MDN1: variants seen among roughly 807,000 people sequenced by gnomAD.
MDN1 encodes the protein midasin.
Under a neutral mutation model 669.2 loss-of-function variants are expected in MDN1, and 266 were observed. That is an observed-to-expected ratio of 0.40 (90% CI 0.36 to 0.44). MDN1 has a LOEUF of 0.44. Ranked by LOEUF, MDN1 falls within the 20% of genes least tolerant of loss-of-function variation. The probability of loss-of-function intolerance (pLI) is 1.00; values close to 1 mark genes in which losing one functional copy is unlikely to be tolerated. For missense variants in MDN1, 5,940 were observed against 6,754.0 expected, an observed-to-expected ratio of 0.88 and a Z score of 4.22; for synonymous variants, 2,385 against 2,457.1, an observed-to-expected ratio of 0.97 and a Z score of 0.87.
rs374685878 is a variant in MDN1 at position 89,672,539 on chromosome 6, A to G, written c.13630+8T>C. 3.0e-5 allele frequency: 48 copies of G among 1,606,468 alleles called. No homozygotes were observed. Among genetic ancestry groups the G allele is most frequent in the Non-Finnish European group, 3.8e-5 (45 of 1,177,518 alleles). ...ATGAAACTAATTTCTGCCTGATTTC[A>G]GACATACCATAATCTTCTTGTGGGC... On this transcript the variant is annotated splice_region_variant and intron_variant, in intron 81 of 101. Transcript: ENST00000369393.
At chr6:89,781,702 T>G (rs1269118096) in intron 9 of MDN1, 110 bp from the exon 10 acceptor site, 7 of 934,634 alleles carry the variant, frequency 7.5e-6, no homozygotes, top group Non-Finnish European at 1.1e-5. Flanking sequence ...CTCTATGAAA[T>G]TTGTTCACTG....
At chr6:89,724,614 T>C (rs1232373865) in intron 38 of MDN1, among the ~76,000 whole-genome samples, 3 of 152,202 alleles carry the variant, frequency 2.0e-5, no homozygotes, top group Non-Finnish European at 2.9e-5. Context: ...ACTCAGCCAA[T>C]TCTTAATCAT....
intron 62 of MDN1, 68 bp downstream of exon 62, chr6:89,694,006 C>T: frequency 7.8e-7 from 1 of 1,277,228 alleles, no homozygotes; most frequent in Non-Finnish European, 1.1e-6. Context: ...TCTACTCACA[C>T]CATAACTACA....
At position 89,792,577 on chromosome 6, in the gene MDN1, A is replaced by C. The variant is rs189003825; in HGVS notation, c.855+1185T>G. 2.5e-3 allele frequency among the ~76,000 whole-genome samples: 375 copies of C among 152,298 alleles called. 2 individuals carry two copies. The highest frequency in any genetic ancestry group is 4.2e-3 in the Non-Finnish European group (284 of 68,032). On this transcript the variant is annotated intron_variant, in intron 5 of 101. Transcript: ENST00000369393. ...AGAAAAAAACACAAAGAGCTTTGGA[A>C]GTACTGGGTGTTTGGTGTTATTTAT...
Position 89,647,979 on chromosome 6 carries a change from C to T in MDN1, c.16395+53G>A. ...AAAATAAAAATGTTCTCCCTCCAAC[C>T]TACACCAGTTTAAAAATAACTGTGC... On this transcript the variant is annotated intron_variant, in intron 99 of 101. Coordinates refer to ENST00000369393, the MANE Select transcript of MDN1 (RefSeq NM_014611.3). 3 of 1,366,510 alleles carry T rather than the reference C, an allele frequency of 2.2e-6. No homozygotes were observed. In the South Asian group the frequency reaches 3.5e-5, roughly 16 times the overall value. 84.6% of individuals were successfully genotyped at this position (1,366,510 alleles called of 1,614,324 possible).
At chr6:89,817,997 A>G (rs1486310796) in intron 1 of MDN1, among the ~76,000 whole-genome samples, 1 of 152,062 alleles carries the variant, frequency 6.6e-6, no homozygotes, top group African/African-American at 2.4e-5. Context: ...CACTCCCCAG[A>G]ACAATTGGGC....
At position 89,701,593 on chromosome 6, in the gene MDN1, ACTT is replaced by A; in HGVS notation, c.8389_8391del (p.Lys2797del). ...AACGGTCGTCCCAGGAACTTCTGCA[ACTT>A]CTTTATACCAGCGAAGCCACCAGTC... On this transcript the variant is annotated inframe_deletion, in exon 55 of 102. Transcript: ENST00000369393. 6.2e-7 allele frequency: 1 copy of A among 1,614,196 alleles called. No homozygotes were observed. Among genetic ancestry groups the A allele is most frequent in the Non-Finnish European group, 8.5e-7 (1 of 1,180,022 alleles).
At chr6:89,711,018 TA>T (rs1813876219) in intron 49 of MDN1, among the ~76,000 whole-genome samples, 1 of 152,228 alleles carries the variant, frequency 6.6e-6, no homozygotes, top group African/African-American at 2.4e-5. Context: ...GGCTATCATA[TA>T]GGACAATACA....
intron 97 of MDN1, among the ~76,000 whole-genome samples, chr6:89,649,243 A>G (rs574190951): frequency 5.3e-5 from 8 of 152,346 alleles, no homozygotes; most frequent in Non-Finnish European, 8.8e-5. Flanking sequence ...TTTAATCTTC[A>G]TAACAATTCT....
At chr6:89,698,017 ATGACAGAAACAAT>A (rs1300166541) in intron 59 of MDN1, among the ~76,000 whole-genome samples, 3 of 152,208 alleles carry the variant, frequency 2.0e-5, no homozygotes, top group Admixed American at 1.3e-4. Context: ...TTTTAACTAT[ATGACAGAAACAAT>A]TGAAAATGTT....
intron 20 of MDN1, 61 bp downstream of exon 20, chr6:89,756,216 C>T (rs183940002): frequency 4.1e-4 from 306 of 738,434 alleles, no homozygotes; most frequent in South Asian, 6.6e-4. Flanking sequence ...TGTGTGTGCA[C>T]GAGTAGCACA....
At position 89,678,601 on chromosome 6, in the gene MDN1, A is replaced by G. The variant is rs543902010; in HGVS notation, c.12410T>C (p.Ile4137Thr). The part of the protein sequence containing the change: ...LSDLFKHLAK[I>T]GLSYRKGLAW... ...TGGGTTTCAAGTGAGAACCTTACCA[A>G]TTTTTGCAAGGTGTTTAAAGAGGTC... The change falls in exon 75 of 102, where the codon ATT (isoleucine) becomes ACT (threonine). Residue 4137 changes from isoleucine (I) to threonine (T), a missense_variant and splice_region_variant. Around this residue, in one of 5 missense-constraint regions of MDN1, gnomAD observed 2,280 missense variants for 2,576.3 expected, o/e 0.88. Transcript: ENST00000369393. 1.4e-5 allele frequency: 22 copies of G among 1,613,402 alleles called. No individual in the cohort carries two copies. The highest frequency in any genetic ancestry group is 9.3e-5 in the African/African-American group (7 of 74,956).
Position 89,714,549 on chromosome 6 carries a change from C to G in MDN1, c.7063G>C (p.Val2355Leu). 1 of 1,602,410 alleles carries G rather than the reference C, an allele frequency of 6.2e-7. No individual in the cohort carries two copies. Among genetic ancestry groups the G allele is most frequent in the Non-Finnish European group, 8.5e-7 (1 of 1,174,034 alleles). ...CAAAAGTCAAGCACCTCACCTACAACAGTGCTCCGGGTCTCTGTGTGTAAA... is the reference window on the plus strand; with the variant it reads ...CAAAAGTCAAGCACCTCACCTACAAGAGTGCTCCGGGTCTCTGTGTGTAAA... ...LALHTETRST[V>L]VGSPTSSVST... Residue 2355 changes from valine (V) to leucine (L), a missense_variant, in exon 46 of 102, where the codon GTT becomes CTT. By Grantham distance (32) the Val-to-Leu change is conservative. Coordinates refer to ENST00000369393, the MANE Select transcript of MDN1 (RefSeq NM_014611.3).
intron 13 of MDN1, 90 bp from the exon 14 acceptor site, chr6:89,772,811 A>G: frequency 7.1e-7 from 1 of 1,408,212 alleles, no homozygotes; most frequent in African/African-American, 1.4e-5. Flanking sequence ...ATTCAACAAC[A>G]AGGATGAGAA....
intron 14 of MDN1, 55 bp from the exon 15 acceptor site, chr6:89,771,676 T>G: frequency 7.1e-7 from 1 of 1,403,438 alleles, no homozygotes; most frequent in South Asian, 1.2e-5. Context: ...ACCGATAATA[T>G]CCAGTGTGCT....
intron 1 of MDN1, among the ~76,000 whole-genome samples, chr6:89,816,653 C>T (rs569920362): frequency 6.6e-6 from 1 of 151,320 alleles, no homozygotes; most frequent in Non-Finnish European, 1.5e-5. Flanking sequence ...TAATATGAAC[C>T]TTGGTCTCCA....
At chr6:89,707,767 A>G (rs1813619837) in intron 51 of MDN1, among the ~76,000 whole-genome samples, 1 of 152,216 alleles carries the variant, frequency 6.6e-6, no homozygotes, top group African/African-American at 2.4e-5. Context: ...GTAGAAATGG[A>G]GGAGTTGGTG....
rs555718921 is a variant in MDN1 at position 89,654,167 on chromosome 6, A to G, written c.15658T>C (p.Leu5220=). 6.2e-7 allele frequency: 1 copy of G among 1,614,132 alleles called. No individual in the cohort carries two copies. Among genetic ancestry groups the G allele is most frequent in the African/African-American group, 1.3e-5 (1 of 75,058 alleles). The stretch of plus-strand genomic sequence containing the variant: ...TTTGTTCACTAGCAGGACTCACCCA[A>G]GGGTGCTGTGGTGCCCGACTTGATT... ...EEIKSGTTAP[L]GFDEMEVEIQ... The change falls in exon 93 of 102, where the codon TTG becomes CTG. Residue 5220 remains leucine (L), a synonymous_variant. Coordinates refer to ENST00000369393, the MANE Select transcript of MDN1 (RefSeq NM_014611.3).
intron 53 of MDN1, among the ~76,000 whole-genome samples, chr6:89,705,493 C>A (rs112607768): frequency 0.011 from 1,640 of 152,174 alleles, 18 homozygotes; most frequent in Non-Finnish European, 0.018. Flanking sequence ...ATAACTGTTA[C>A]AATCTAACAA....
Sources: gnomAD v4.1 joint callset for allele counts (sites outside exome capture counted in the v4.1 genomes callset) on GRCh38, gnomAD v4.1.1 for gene constraint, gnomAD v4.1.1 regional missense constraint, MANE v1.5 for transcripts, NCBI Gene and HGNC (gene_info 2026-07-23, HGNC 2026-07-21) for gene names.